CR2: variants seen among roughly 807,000 people sequenced by gnomAD.
CR2 encodes the protein complement C3d receptor 2.
Under a neutral mutation model 123.0 loss-of-function variants are expected in CR2, and 96 were observed. That is an observed-to-expected ratio of 0.78 (90% CI 0.66 to 0.93). CR2 has a LOEUF of 0.93. Among genes scored for constraint, CR2 ranks in the 40% least tolerant of loss-of-function variants. The probability of loss-of-function intolerance (pLI) is 0.00; values close to 1 mark genes in which losing one functional copy is unlikely to be tolerated. For synonymous variants in CR2, 484 were observed against 469.5 expected, an observed-to-expected ratio of 1.03 and a Z score of -0.40; for missense variants, 1,258 against 1,361.0, an observed-to-expected ratio of 0.92 and a Z score of 1.19.
At chr1:207,458,059 AACACACACACACACACACAC>A (rs59735642) in intron 1 of CR2, among the ~76,000 whole-genome samples, 3 of 122,570 alleles carry the variant, frequency 2.4e-5, no homozygotes, top group Admixed American at 8.4e-5. Context: ...TCAAGGCCAC[AACACACACACACACACACAC>A]ACACACACAC....
At chr1:207,484,394 C>T in intron 18 of CR2, among the ~76,000 whole-genome samples, 1 of 152,118 alleles carries the variant, frequency 6.6e-6, no homozygotes, top group East Asian at 1.9e-4. Flanking sequence ...ACTTGAATGG[C>T]CTGAAATGCT....
intron 2 of CR2, 24 bp from the exon 3 acceptor site, chr1:207,468,503 T>C (rs911878039): frequency 1.1e-5 from 17 of 1,613,264 alleles, no homozygotes; most frequent in Admixed American, 1.7e-5. Flanking sequence ...GACGGCTTTT[T>C]TTTCCTGGTA....
intron 19 of CR2, among the ~76,000 whole-genome samples, chr1:207,487,651 T>C (rs899935138): frequency 2.0e-5 from 3 of 152,152 alleles, no homozygotes; most frequent in South Asian, 2.1e-4. Flanking sequence ...TTTTTTAAGA[T>C]TGGAGAAATA....
intron 18 of CR2, among the ~76,000 whole-genome samples, chr1:207,484,178 C>A (rs556443558): frequency 2.9e-4 from 44 of 152,228 alleles, no homozygotes; most frequent in African/African-American, 9.2e-4. Flanking sequence ...TAAAAATTTG[C>A]AAATTTGGGG....
chr1:207,484,964 T>C (rs1037750436), intron 18 of CR2, among the ~76,000 whole-genome samples: 1 of 152,236 alleles, frequency 6.6e-6, no homozygotes, highest in Non-Finnish European at 1.5e-5. Context: ...TAAAGCTGCT[T>C]AGTGTCAGCC....
chr1:207,466,750 A>G lies in CR2; in HGVS notation c.283A>G (p.Ile95Val), dbSNP rs750220618. Residue 95 changes from isoleucine to valine, a missense_variant, in exon 2 of 20, where the codon ATA (isoleucine) becomes GTA (valine). By Grantham distance (29) the Ile-to-Val change is conservative. Transcript: ENST00000367057. The stretch of plus-strand genomic sequence containing the variant: ...TAAATATTCTTCTTGCCCTGAGCCC[A>G]TAGTACCAGGAGGATACAAAATTAG... ...FNKYSSCPEPIVPGGYKIRGS... is the reference protein window; with the variant it reads ...FNKYSSCPEPVVPGGYKIRGS... The G allele has an allele frequency of 2.5e-6, 4 of 1,614,142 alleles. No homozygotes were observed. In the East Asian group the frequency reaches 6.7e-5, roughly 27 times the overall value.
rs573046808 is a variant in CR2, at chr1:207,458,746, C to T, written c.58+4270C>T. On this transcript the variant is annotated intron_variant, in intron 1 of 19. Coordinates refer to ENST00000367057, the MANE Select transcript of CR2 (RefSeq NM_001006658.3). ...TGTCCCTTCTCCTTCCAGTGCATTA[C>T]ATTGTGACATATCACTCTATTTCAT... Among the ~76,000 whole-genome samples, 11 of 152,320 alleles carry T rather than the reference C, an allele frequency of 7.2e-5. No homozygotes were observed. In the East Asian group the frequency reaches 1.9e-3, roughly 27 times the overall value.
chr1:207,461,028 T>A (rs1230713752), intron 1 of CR2, among the ~76,000 whole-genome samples: 2 of 152,188 alleles, frequency 1.3e-5, no homozygotes, highest in African/African-American at 4.8e-5. Context: ...TATACTTTAG[T>A]TTCTTATGCT....
Position 207,470,052 on chromosome 1 carries a change from G to A in CR2, c.1175G>A (p.Arg392Gln), listed in dbSNP as rs141226912. 1.5e-5 allele frequency: 25 copies of A among 1,613,836 alleles called. No homozygotes were observed. Among genetic ancestry groups the A allele is most frequent in the South Asian group, 3.3e-5 (3 of 91,080 alleles). The change falls in exon 6 of 20, where the codon CGA (arginine) becomes CAA (glutamine). Residue 392 changes from arginine (R) to glutamine (Q), a missense_variant. Transcript: ENST00000367057. ...ACCTTGAAGGGCAGCAAGCAAATCCGATGCAATGCCCAAGGCACATGGGAG... is the reference window on the plus strand; with the variant it reads ...ACCTTGAAGGGCAGCAAGCAAATCCAATGCAATGCCCAAGGCACATGGGAG... ...GFTLKGSKQI[R>Q]CNAQGTWEPS...
At chr1:207,488,099 G>A (rs1658796317) in intron 19 of CR2, among the ~76,000 whole-genome samples, 1 of 152,188 alleles carries the variant, frequency 6.6e-6, no homozygotes, top group Admixed American at 6.5e-5. Flanking sequence ...GAGAAAGTGG[G>A]GATGAACATT....
At chr1:207,460,945 T>C (rs1429838148) in intron 1 of CR2, among the ~76,000 whole-genome samples, 2 of 152,164 alleles carry the variant, frequency 1.3e-5, no homozygotes, top group African/African-American at 4.8e-5. Flanking sequence ...GTTTAATAGC[T>C]AAGATAGTTA....
At position 207,454,838 on chromosome 1, in the gene CR2, G is replaced by C. The variant is rs536449329; in HGVS notation, c.58+362G>C. On this transcript the variant is annotated intron_variant, in intron 1 of 19. Transcript: ENST00000367057. The surrounding 1 kb of genome is among the most constrained non-coding windows in gnomAD (Gnocchi z 4.3). ...GGCGGTCAGCGCTACCGCTCGCCAC[G>C]GGAAACCTACCCACTGCATGAGGCA... The C allele has an allele frequency of 4.2e-6, 1 of 240,418 alleles. No individual in the cohort carries two copies. 14.9% of individuals were successfully genotyped at this position (240,418 alleles called of 1,614,324 possible).
In CR2 at chr1:207,471,849, A is replaced by G. The variant is rs936783621; in HGVS notation, c.1570+350A>G. The G allele has an allele frequency of 3.1e-5, 11 of 349,252 alleles. No homozygotes were observed. The East Asian group carries it at 6.6e-4, about 21-fold the overall frequency. 21.6% of individuals were successfully genotyped at this position (349,252 alleles called of 1,614,324 possible). A position where few individuals can be genotyped will look rare whatever the true frequency, so the allele number is the denominator to read the frequency against. On this transcript the variant is annotated intron_variant, in intron 9 of 19. Coordinates refer to ENST00000367057, the MANE Select transcript of CR2 (RefSeq NM_001006658.3). Reference sequence around the variant, plus strand: ...AATTCACATTCTGTCTCTACTGCTTACTAGTGTGAGACCTTGGACCACTTG... The same window carrying G: ...AATTCACATTCTGTCTCTACTGCTTGCTAGTGTGAGACCTTGGACCACTTG...
chr1:207,466,992 G>T (rs1658119880), intron 2 of CR2, 80 bp downstream of exon 2: 2 of 1,465,884 alleles, frequency 1.4e-6, no homozygotes, highest in African/African-American at 2.8e-5. Flanking sequence ...CCTCCTGAAG[G>T]ACAAACAGTG....
chr1:207,464,056 G>T (rs1471820115), intron 1 of CR2, among the ~76,000 whole-genome samples: 2 of 152,124 alleles, frequency 1.3e-5, no homozygotes, highest in Admixed American at 1.3e-4. Flanking sequence ...GTGAGTAAAT[G>T]CTTACATCTA....
intron 19 of CR2, among the ~76,000 whole-genome samples, chr1:207,486,571 TG>T (rs67207960): frequency 1.6e-4 from 1 of 6,314 alleles, no homozygotes; most frequent in East Asian, 0.045. Flanking sequence ...TTAACTGCTG[TG>T]TTAAGAACAG....
Position 207,471,019 on chromosome 1 carries a change from A to G in CR2, c.1425A>G (p.Gly475=), listed in dbSNP as rs753628062. 5 of 1,613,866 alleles carry G rather than the reference A, an allele frequency of 3.1e-6. No homozygotes were observed. In the Admixed American group the frequency reaches 8.3e-5, roughly 27 times the overall value. The change falls in exon 8 of 20, where the codon GGA becomes GGG. Residue 475 remains glycine (G), a synonymous_variant. Coordinates refer to ENST00000367057, the MANE Select transcript of CR2 (RefSeq NM_001006658.3). ...QCKVAACEAT[G]RQLLTKPQHQ... ...TAGTGGCAGCGTGTGAAGCTACAGGAAGGCAACTCTTGACAAAACCCCAGC... is the reference window on the plus strand; with the variant it reads ...TAGTGGCAGCGTGTGAAGCTACAGGGAGGCAACTCTTGACAAAACCCCAGC...
intron 8 of CR2, 74 bp downstream of exon 8, chr1:207,471,161 G>GT (rs1658266396): frequency 7.1e-7 from 1 of 1,417,746 alleles, no homozygotes; most frequent in Non-Finnish European, 1.0e-6. Flanking sequence ...GTAAGAGTTT[G>GT]TATCAGTACA....
intron 18 of CR2, among the ~76,000 whole-genome samples, chr1:207,482,183 CT>C (rs1253974319): frequency 1.3e-5 from 2 of 152,042 alleles, no homozygotes; most frequent in African/African-American, 4.8e-5. Flanking sequence ...TTTAAAATCA[CT>C]GAAAAATCTT....
Sources: allele counts gnomAD v4.1 joint callset (sites outside exome capture counted in the v4.1 genomes callset), GRCh38; gene constraint gnomAD v4.1.1; non-coding constraint Gnocchi (gnomAD v3.1); transcripts MANE v1.5; gene names NCBI Gene and HGNC (gene_info 2026-07-23, HGNC 2026-07-21).